Variants in TSNARE1 observed in about 807,000 individuals in gnomAD.
TSNARE1 encodes t-SNARE domain containing 1.
TSNARE1 carries 49 observed loss-of-function variants against 62.0 expected under a neutral mutation model. The observed-to-expected ratio is 0.79, with a 90% confidence interval of 0.63 to 1.00. The LOEUF is 1.00. TSNARE1 is among the 50% of genes least tolerant of loss of function. TSNARE1 has a pLI of 0.00. For missense variants in TSNARE1, 755 were observed against 700.1 expected (o/e 1.08, Z -0.88); for synonymous variants, 328 against 294.4 (o/e 1.11, Z -1.17).
At chr8:142,288,221 G>C (rs952112353) in intron 10 of TSNARE1, among the ~76,000 whole-genome samples, 3 of 152,244 alleles carry the variant, frequency 2.0e-5, no homozygotes, top group African/African-American at 7.2e-5. Context: ...GGCTGGGGCG[G>C]GGTGGAAGAG....
chr8:142,318,803 A>G (rs574199345), intron 6 of TSNARE1, among the ~76,000 whole-genome samples, 169 bp from the exon 7 acceptor site: 4 of 152,030 alleles, frequency 2.6e-5, no homozygotes, highest in South Asian at 2.1e-4. Context: ...CAGAGAAAAC[A>G]GCAGAGAGGA....
intron 11 of TSNARE1, chr8:142,276,604 C>A (rs532506745): frequency 1.0e-6 from 1 of 985,412 alleles, no homozygotes; most frequent in South Asian, 4.7e-5. Context: ...GGCCATGTGC[C>A]CTGGCTGGAC....
chr8:142,285,927 C>T (rs927329931), intron 10 of TSNARE1, among the ~76,000 whole-genome samples: 34 of 152,338 alleles, frequency 2.2e-4, no homozygotes, highest in African/African-American at 7.9e-4. Context: ...TCACACCTGG[C>T]ACCCACCCAG....
At chr8:142,297,061 C>T (rs558420234) in intron 10 of TSNARE1, among the ~76,000 whole-genome samples, 1 of 152,348 alleles carries the variant, frequency 6.6e-6, no homozygotes, top group African/African-American at 2.4e-5. Context: ...CGACCTTCCA[C>T]CTGCCCACTT....
intron 13 of TSNARE1, among the ~76,000 whole-genome samples, chr8:142,227,288 C>CCCT (rs1816865401): frequency 6.7e-6 from 1 of 149,152 alleles, no homozygotes; most frequent in African/African-American, 2.6e-5. Context: ...ACCCACACAA[C>CCCT]AGTGACAGCC....
chr8:142,391,886 C>T (rs570842676), intron 1 of TSNARE1, among the ~76,000 whole-genome samples: 5 of 152,174 alleles, frequency 3.3e-5, no homozygotes, highest in Non-Finnish European at 5.9e-5. Flanking sequence ...GCTGAGTGGG[C>T]GGAACAAGCC....
intron 12 of TSNARE1, among the ~76,000 whole-genome samples, chr8:142,230,309 G>C (rs1817041105): frequency 6.6e-6 from 1 of 152,204 alleles, no homozygotes; most frequent in African/African-American, 2.4e-5. Flanking sequence ...TAAGTACCAA[G>C]TATCCAAAGG....
intron 3 of TSNARE1, 146 bp downstream of exon 3, chr8:142,345,597 G>A: frequency 1.0e-6 from 1 of 972,524 alleles, no homozygotes; most frequent in Non-Finnish European, 1.5e-6. Context: ...GGGAAGGCCT[G>A]GCAGGGGGCA....
At chr8:142,364,123 G>C (rs980679433) in intron 1 of TSNARE1, among the ~76,000 whole-genome samples, 8 of 152,346 alleles carry the variant, frequency 5.3e-5, no homozygotes, top group Admixed American at 2.6e-4. Context: ...CATGGCTGCA[G>C]TGCCTTCTAC....
intron 9 of TSNARE1, among the ~76,000 whole-genome samples, chr8:142,308,813 G>C (rs555114495): frequency 6.6e-5 from 10 of 152,204 alleles, no homozygotes; most frequent in South Asian, 2.1e-4. Flanking sequence ...AAACCTGCTG[G>C]AACCTTATTG....
intron 12 of TSNARE1, among the ~76,000 whole-genome samples, chr8:142,245,913 A>G (rs1817865444): frequency 2.6e-5 from 4 of 152,208 alleles, no homozygotes; most frequent in Non-Finnish European, 2.9e-5. Context: ...AGCTCATGCA[A>G]CAACAATACT....
intron 13 of TSNARE1, among the ~76,000 whole-genome samples, chr8:142,219,961 G>A (rs1466260725): frequency 2.6e-5 from 4 of 152,232 alleles, no homozygotes; most frequent in Non-Finnish European, 4.4e-5. Flanking sequence ...GAGACGGAGG[G>A]GAAAGGTGGG....
chr8:142,328,178 A>G (rs1204319111), intron 6 of TSNARE1, among the ~76,000 whole-genome samples: 1 of 151,756 alleles, frequency 6.6e-6, no homozygotes, highest in African/African-American at 2.4e-5. Context: ...AAAAAAAACT[A>G]ACTTCCTTCA....
At chr8:142,293,074 G>C (rs1824076856) in intron 10 of TSNARE1, among the ~76,000 whole-genome samples, 1 of 152,264 alleles carries the variant, frequency 6.6e-6, no homozygotes, top group East Asian at 1.9e-4. Flanking sequence ...TCCTAGGCTT[G>C]AGTGCTTTCC....
intron 1 of TSNARE1, among the ~76,000 whole-genome samples, chr8:142,359,133 A>G (rs1258521471): frequency 6.7e-6 from 1 of 148,534 alleles, no homozygotes; most frequent in Non-Finnish European, 1.5e-5. Context: ...CTGCTCCTCC[A>G]CCCCGCAACC....
intron 1 of TSNARE1, among the ~76,000 whole-genome samples, chr8:142,385,291 CAAG>C (rs1342966875): frequency 2.6e-5 from 4 of 152,144 alleles, no homozygotes; most frequent in African/African-American, 4.8e-5. Context: ...CCCCGCAAGC[CAAG>C]AAGCCACAGC....
At chr8:142,317,040 A>G (rs1399294715) in intron 7 of TSNARE1, among the ~76,000 whole-genome samples, 3 of 151,882 alleles carry the variant, frequency 2.0e-5, no homozygotes, top group Non-Finnish European at 4.4e-5. Context: ...GTGCACGTGA[A>G]GCAGGTGCGG....
At chr8:142,380,127 C>T (rs375307672) in intron 1 of TSNARE1, among the ~76,000 whole-genome samples, 13 of 152,294 alleles carry the variant, frequency 8.5e-5, no homozygotes, top group East Asian at 5.8e-4. Flanking sequence ...TTGTCCAGGG[C>T]GTACCACGTC....
At chr8:142,401,025 G>A (rs976291160) in intron 1 of TSNARE1, among the ~76,000 whole-genome samples, 6 of 152,140 alleles carry the variant, frequency 3.9e-5, no homozygotes, top group South Asian at 2.1e-4. Context: ...ATGCACCCAC[G>A]CCGTGTCGCG....
Sources: allele counts gnomAD v4.1 joint callset (sites outside exome capture counted in the v4.1 genomes callset), GRCh38; gene constraint gnomAD v4.1.1; transcripts MANE v1.5; gene names NCBI Gene and HGNC (gene_info 2026-07-23, HGNC 2026-07-21).